CDK14: variants seen among roughly 807,000 people sequenced by gnomAD.
CDK14 encodes cyclin dependent kinase 14.
A neutral mutation model predicts 60.7 loss-of-function variants in CDK14; 34 were observed. That is an observed-to-expected ratio of 0.56 (90% CI 0.43 to 0.75). The LOEUF is 0.75. Ranked by LOEUF, CDK14 falls within the 30% of genes least tolerant of loss-of-function variation. The pLI, the probability that CDK14 is intolerant of heterozygous loss-of-function variation, is 0.00. For missense variants in CDK14, 482 were observed against 564.1 expected, an observed-to-expected ratio of 0.85 and a Z score of 1.47; for synonymous variants, 197 against 203.7, an observed-to-expected ratio of 0.97 and a Z score of 0.28.
intron 7 of CDK14, among the ~76,000 whole-genome samples, chr7:90,903,065 T>G (rs150771815): frequency 6.6e-6 from 1 of 152,264 alleles, no homozygotes; most frequent in East Asian, 1.9e-4. Flanking sequence ...AGGATGGCTA[T>G]GATCAAAAAG....
At chr7:90,856,990 G>A (rs558725875) in intron 5 of CDK14, among the ~76,000 whole-genome samples, 3 of 152,104 alleles carry the variant, frequency 2.0e-5, no homozygotes, top group South Asian at 4.1e-4. Flanking sequence ...GACTAAAGGC[G>A]AAGTGATGGC....
chr7:90,634,905 G>A (rs1800100084), intron 2 of CDK14, among the ~76,000 whole-genome samples: 1 of 152,072 alleles, frequency 6.6e-6, no homozygotes, highest in African/African-American at 2.4e-5. Flanking sequence ...ATTTTTTCAT[G>A]TGTCTTTTGG....
At chr7:90,667,727 G>A (rs1266463407) in intron 2 of CDK14, among the ~76,000 whole-genome samples, 1 of 151,914 alleles carries the variant, frequency 6.6e-6, no homozygotes. Flanking sequence ...CTGCCACCAC[G>A]CCCGGCTAAT....
rs530385663 is a variant in CDK14, at chr7:90,647,168, A to T, written c.123+42919A>T. 2.6e-5 allele frequency among the ~76,000 whole-genome samples: 4 copies of T among 152,316 alleles called. No individual in the cohort carries two copies. The East Asian group carries it at 7.7e-4, about 29-fold the overall frequency. On this transcript the variant is annotated intron_variant, in intron 2 of 14. Transcript: ENST00000380050. The stretch of plus-strand genomic sequence containing the variant: ...GAACTATAGGCTGCTTTCAACACTT[A>T]GTTATACCTGATGAGAATTACTGTA...
At chr7:90,778,114 A>G (rs1390433569) in intron 4 of CDK14, among the ~76,000 whole-genome samples, 2 of 152,182 alleles carry the variant, frequency 1.3e-5, no homozygotes, top group South Asian at 2.1e-4. Flanking sequence ...AGATTTTTCT[A>G]CTGAGATCCA....
intron 13 of CDK14, 62 bp from the exon 14 acceptor site, chr7:91,118,003 A>T: frequency 1.0e-6 from 1 of 988,804 alleles, no homozygotes; most frequent in Non-Finnish European, 1.5e-6. Context: ...TTTTTTTAAA[A>T]AAAAAACATG....
intron 14 of CDK14, among the ~76,000 whole-genome samples, chr7:91,190,240 C>T (rs1451040158): frequency 6.6e-6 from 1 of 152,148 alleles, no homozygotes; most frequent in Non-Finnish European, 1.5e-5. Context: ...CTTCCTCAGT[C>T]ACCTTGGAAA....
intron 14 of CDK14, among the ~76,000 whole-genome samples, chr7:91,146,998 C>G (rs765367099): frequency 2.0e-5 from 3 of 152,092 alleles, no homozygotes; most frequent in Non-Finnish European, 2.9e-5. Flanking sequence ...CGTAATCAAA[C>G]TCACACAAAT....
At position 90,765,683 on chromosome 7, in the gene CDK14, A is replaced by G. The variant is rs80176984; in HGVS notation, c.464+17908A>G. The stretch of plus-strand genomic sequence containing the variant: ...TGTGTTGAAGAGAGAATGGGGGATG[A>G]AAAAATGTAGGGTAAAATACATATA... On this transcript the variant is annotated intron_variant, in intron 4 of 14. Coordinates refer to ENST00000380050, the MANE Select transcript of CDK14 (RefSeq NM_001287135.2). Among the ~76,000 whole-genome samples, 60 of 151,952 alleles carry G rather than the reference A, an allele frequency of 3.9e-4. No individual in the cohort carries two copies. In the East Asian group the frequency reaches 9.3e-3, roughly 24 times the overall value.
intron 13 of CDK14, among the ~76,000 whole-genome samples, chr7:91,113,185 A>T (rs1477514427): frequency 6.6e-6 from 1 of 152,236 alleles, no homozygotes; most frequent in Non-Finnish European, 1.5e-5. Context: ...TGGTTGTAAC[A>T]ATAACCTTAA....
At chr7:90,774,913 G>A (rs547535909) in intron 4 of CDK14, among the ~76,000 whole-genome samples, 5 of 152,244 alleles carry the variant, frequency 3.3e-5, no homozygotes, top group South Asian at 2.1e-4. Context: ...TTTTGAATGC[G>A]ACATGCAAAA....
chr7:90,946,059 T>G (rs538666369), intron 8 of CDK14, among the ~76,000 whole-genome samples: 1 of 152,236 alleles, frequency 6.6e-6, no homozygotes, highest in African/African-American at 2.4e-5. Flanking sequence ...GGGAATGGAT[T>G]AGAAACAGTG....
intron 6 of CDK14, among the ~76,000 whole-genome samples, chr7:90,896,457 A>G (rs1275490908): frequency 6.6e-6 from 1 of 152,172 alleles, no homozygotes; most frequent in Non-Finnish European, 1.5e-5. Flanking sequence ...GAATTAAACT[A>G]TGATTGAATG....
intron 1 of CDK14, among the ~76,000 whole-genome samples, chr7:90,597,879 A>G (rs1799229429): frequency 1.5e-5 from 2 of 135,108 alleles, no homozygotes; most frequent in Admixed American, 7.9e-5. Flanking sequence ...TTGTGTTGGT[A>G]TGCAAAATCT....
chr7:90,912,013 G>A (rs988944834), intron 7 of CDK14, among the ~76,000 whole-genome samples: 4 of 152,048 alleles, frequency 2.6e-5, no homozygotes, highest in South Asian at 4.2e-4. Flanking sequence ...CCTGTTCATC[G>A]TTTCATTACT....
chr7:90,683,799 T>C (rs1801373253), intron 2 of CDK14, among the ~76,000 whole-genome samples: 1 of 152,150 alleles, frequency 6.6e-6, no homozygotes, highest in African/African-American at 2.4e-5. Context: ...AGACTCTGTC[T>C]CCAAAAATCC....
chr7:90,674,934 A>G (rs982142533), intron 2 of CDK14, among the ~76,000 whole-genome samples: 4 of 152,238 alleles, frequency 2.6e-5, no homozygotes, highest in African/African-American at 9.6e-5. Flanking sequence ...GAATATTTTG[A>G]CATATGGTGT....
intron 10 of CDK14, among the ~76,000 whole-genome samples, chr7:91,004,726 T>C (rs705345): frequency 0.89 from 134,845 of 152,134 alleles, 60,256 homozygotes; most frequent in Non-Finnish European, 0.95. Flanking sequence ...AATTAATGAA[T>C]AGCACTGAGG....
intron 8 of CDK14, among the ~76,000 whole-genome samples, chr7:90,935,887 A>G (rs1793737117): frequency 6.6e-6 from 1 of 152,126 alleles, no homozygotes. Flanking sequence ...TGTTTCTACA[A>G]AAATTAAAAA....
Sources: allele counts gnomAD v4.1 joint callset (sites outside exome capture counted in the v4.1 genomes callset), GRCh38; gene constraint gnomAD v4.1.1; transcripts MANE v1.5; gene names NCBI Gene and HGNC (gene_info 2026-07-23, HGNC 2026-07-21).